Variants in DGLUCY observed in about 807,000 individuals in gnomAD.
DGLUCY encodes D-glutamate cyclase, mitochondrial.
Under a neutral mutation model 58.5 loss-of-function variants are expected in DGLUCY, and 58 were observed. The ratio of observed to expected loss-of-function variants is 0.99; its 90% CI spans 0.80 to 1.23. DGLUCY has a LOEUF of 1.23. Ranked by LOEUF, DGLUCY falls within the 50% of genes most tolerant of loss-of-function variation. The pLI is 0.00. For missense variants in DGLUCY, 779 were observed against 784.7 expected (o/e 0.99, Z 0.09); for synonymous variants, 325 against 314.1 (o/e 1.03, Z -0.37).
At chr14:91,189,748 G>A (rs1302854142) in intron 9 of DGLUCY, 2 of 155,696 alleles carry the variant, frequency 1.3e-5, no homozygotes, top group Non-Finnish European at 2.9e-5. Context: ...GAAGCCTGGT[G>A]AATCTCACCT....
intron 1 of DGLUCY, among the ~76,000 whole-genome samples, chr14:91,078,174 G>GCCCACCAC (rs1303851440): frequency 6.6e-6 from 1 of 152,072 alleles, no homozygotes; most frequent in African/African-American, 2.4e-5. Context: ...AATTACAGAT[G>GCCCACCAC]CCCACCACCA....
At chr14:91,136,189 T>C (rs1323843420) in intron 1 of DGLUCY, among the ~76,000 whole-genome samples, 1 of 151,536 alleles carries the variant, frequency 6.6e-6, no homozygotes, top group African/African-American at 2.4e-5. Context: ...TGCCTCGGCC[T>C]CCCAAAGTGC....
At chr14:91,064,326 C>A (rs565346434) in intron 1 of DGLUCY, among the ~76,000 whole-genome samples, 1 of 152,136 alleles carries the variant, frequency 6.6e-6, no homozygotes, top group African/African-American at 2.4e-5. Context: ...GCCAGAGGTA[C>A]GAATGAGATT....
chr14:91,173,164 G>A (rs2048666466), intron 5 of DGLUCY, 125 bp from the exon 6 acceptor site: 3 of 1,019,206 alleles, frequency 2.9e-6, no homozygotes, highest in Non-Finnish European at 4.3e-6. Flanking sequence ...AAAAATAGAA[G>A]CTAATTTCTA....
chr14:91,124,134 G>A (rs547785338), intron 1 of DGLUCY, among the ~76,000 whole-genome samples: 4 of 151,644 alleles, frequency 2.6e-5, no homozygotes, highest in Non-Finnish European at 5.9e-5. Context: ...CACCATGTTG[G>A]CTGGGATGGT....
intron 1 of DGLUCY, among the ~76,000 whole-genome samples, chr14:91,138,971 TC>T (rs1051133220): frequency 5.9e-5 from 9 of 152,288 alleles, no homozygotes; most frequent in Admixed American, 3.9e-4. Context: ...ATTTTAGGCT[TC>T]CACGACACAT....
intron 12 of DGLUCY, among the ~76,000 whole-genome samples, chr14:91,213,717 T>TGTTTGTTTGTTA (rs747475883): frequency 2.0e-5 from 3 of 151,908 alleles, no homozygotes; most frequent in Non-Finnish European, 4.4e-5. Flanking sequence ...TTTGTTTGTT[T>TGTTTGTTTGTTA]GTTACGGAGT....
At chr14:91,191,032 G>A (rs1468489428) in intron 9 of DGLUCY, among the ~76,000 whole-genome samples, 3 of 152,100 alleles carry the variant, frequency 2.0e-5, no homozygotes, top group East Asian at 3.9e-4. Context: ...ACACTGACCC[G>A]ATGGGACCCC....
chr14:91,224,838 C>T lies in DGLUCY; in HGVS notation c.*5C>T. ...GTCACCACGGCACAGGTGTAACCGTCCATGTTCCGTGTGAGCAGAGTCCCT... is the reference window on the plus strand; with the variant it reads ...GTCACCACGGCACAGGTGTAACCGTTCATGTTCCGTGTGAGCAGAGTCCCT... On this transcript the variant is annotated 3_prime_UTR_variant, in exon 14 of 14. Transcript: ENST00000256324. 6.2e-7 allele frequency: 1 copy of T among 1,602,602 alleles called. No individual in the cohort carries two copies. Among genetic ancestry groups the T allele is most frequent in the Non-Finnish European group, 8.5e-7 (1 of 1,171,672 alleles).
intron 9 of DGLUCY, among the ~76,000 whole-genome samples, chr14:91,195,412 A>T (rs2050140688): frequency 6.6e-6 from 1 of 152,198 alleles, no homozygotes; most frequent in Non-Finnish European, 1.5e-5. Flanking sequence ...TTTAAGAATC[A>T]AATTCACTTT....
chr14:91,215,061 A>G (rs1286356185), intron 12 of DGLUCY, among the ~76,000 whole-genome samples: 2 of 152,198 alleles, frequency 1.3e-5, no homozygotes, highest in African/African-American at 4.8e-5. Flanking sequence ...AGGCAGGAGA[A>G]TCGCTTGAAC....
At chr14:91,204,489 A>G (rs1194666870) in intron 11 of DGLUCY, among the ~76,000 whole-genome samples, 1 of 152,206 alleles carries the variant, frequency 6.6e-6, no homozygotes, top group East Asian at 1.9e-4. Flanking sequence ...AGACATGCCC[A>G]CACTGTAGTG....
intron 12 of DGLUCY, 97 bp from the exon 13 acceptor site, chr14:91,215,308 G>A (rs370517020): frequency 2.7e-5 from 40 of 1,506,810 alleles, no homozygotes; most frequent in South Asian, 1.5e-4. Context: ...CTACGGGACC[G>A]TGGACCAGTC....
At chr14:91,082,273 C>T (rs1486720879) in intron 1 of DGLUCY, among the ~76,000 whole-genome samples, 3 of 152,180 alleles carry the variant, frequency 2.0e-5, no homozygotes, top group East Asian at 3.8e-4. Context: ...GAGCCACACT[C>T]CCCCCTTCCC....
At chr14:91,144,358 G>C (rs1176548636) in intron 1 of DGLUCY, among the ~76,000 whole-genome samples, 1 of 152,204 alleles carries the variant, frequency 6.6e-6, no homozygotes, top group Non-Finnish European at 1.5e-5. Context: ...TCAGGAGTTT[G>C]AGACCGGCCT....
chr14:91,114,576 A>G (rs2044794629), intron 1 of DGLUCY: 1 of 152,266 alleles, frequency 6.6e-6, no homozygotes, highest in Admixed American at 6.5e-5. Flanking sequence ...AGGCCCTTTC[A>G]GTCCTTGTCA....
chr14:91,079,374 A>G (rs1261919320), intron 1 of DGLUCY, among the ~76,000 whole-genome samples: 1 of 142,562 alleles, frequency 7.0e-6, no homozygotes, highest in Non-Finnish European at 1.5e-5. Flanking sequence ...TTTTTTTTTT[A>G]AGGCAGAGTC....
intron 12 of DGLUCY, among the ~76,000 whole-genome samples, chr14:91,214,396 C>G (rs758968227): frequency 6.6e-6 from 1 of 152,092 alleles, no homozygotes; most frequent in Non-Finnish European, 1.5e-5. Context: ...GGAAATAAGC[C>G]CTTTGGGCAT....
Position 91,181,351 on chromosome 14 carries a change from A to T in DGLUCY, c.896A>T (p.Lys299Met), listed in dbSNP as rs1290915023. The T allele has an allele frequency of 6.2e-7, 1 of 1,613,956 alleles. No individual in the cohort carries two copies. Among genetic ancestry groups the T allele is most frequent in the Non-Finnish European group, 8.5e-7 (1 of 1,180,018 alleles). ...ATCGCGTCAGTCTCTGCTTCTCAGA[A>T]GATCAGAGAACTAGAGTCTATGATC... Reference protein sequence around the residue: ...YSIASVSASQKIRELESMIGI... With the variant: ...YSIASVSASQMIRELESMIGI... The change falls in exon 8 of 14, where the codon AAG becomes ATG. Residue 299 changes from lysine to methionine, a missense_variant. By Grantham distance (95) the Lys-to-Met change is moderately conservative. Transcript: ENST00000256324.
Sources: allele counts gnomAD v4.1 joint callset (sites outside exome capture counted in the v4.1 genomes callset), GRCh38; gene constraint gnomAD v4.1.1; transcripts MANE v1.5; gene names NCBI Gene and HGNC (gene_info 2026-07-23, HGNC 2026-07-21).